Variants in FTO observed in about 807,000 individuals in gnomAD.
The protein encoded by FTO is FTO alpha-ketoglutarate dependent dioxygenase, also known as alpha-ketoglutarate-dependent dioxygenase FTO.
In FTO, 47 loss-of-function variants were observed where a neutral mutation model predicts 63.9. The observed-to-expected ratio is 0.74, with a 90% CI of 0.58 to 0.94. The LOEUF (loss-of-function observed/expected upper bound fraction) is 0.94, where lower values mean the gene tolerates loss of function less well. Among genes scored for constraint, FTO ranks in the 40% least tolerant of loss-of-function variants. The probability of loss-of-function intolerance (pLI) is 0.00; values close to 1 mark genes in which losing one functional copy is unlikely to be tolerated. For synonymous variants in FTO, 207 were observed against 224.4 expected (o/e 0.92, Z 0.69); for missense variants, 562 against 618.1 (o/e 0.91, Z 0.96).
chr16:53,773,763 A>G (rs1224975336), intron 1 of FTO, among the ~76,000 whole-genome samples: 1 of 152,168 alleles, frequency 6.6e-6, no homozygotes, highest in Non-Finnish European at 1.5e-5. Flanking sequence ...ACGTAAACAT[A>G]TTTGAGCTTT....
intron 1 of FTO, among the ~76,000 whole-genome samples, chr16:53,710,393 G>A (rs1381060042): frequency 6.6e-6 from 1 of 151,496 alleles, no homozygotes; most frequent in African/African-American, 2.4e-5. Flanking sequence ...AGCCTCCTGA[G>A]TAGCTCAGAC....
intron 4 of FTO, among the ~76,000 whole-genome samples, chr16:53,870,712 G>A (rs138857961): frequency 6.6e-6 from 1 of 151,948 alleles, no homozygotes; most frequent in Non-Finnish European, 1.5e-5. Context: ...AGAATACATT[G>A]TTATTATTTT....
intron 8 of FTO, among the ~76,000 whole-genome samples, chr16:54,029,686 C>T (rs2084787309): frequency 6.6e-6 from 1 of 152,114 alleles, no homozygotes; most frequent in African/African-American, 2.4e-5. Flanking sequence ...GACTTCTAAT[C>T]CTGATTTTTT....
chr16:53,884,352 G>A (rs1006617505), intron 6 of FTO, among the ~76,000 whole-genome samples: 17 of 152,110 alleles, frequency 1.1e-4, no homozygotes, highest in African/African-American at 4.1e-4. Context: ...ATGTTTGATG[G>A]TATTGTTTGG....
At chr16:53,758,167 G>A (rs2076966163) in intron 1 of FTO, among the ~76,000 whole-genome samples, 1 of 152,208 alleles carries the variant, frequency 6.6e-6, no homozygotes, top group Admixed American at 6.5e-5. Flanking sequence ...GACTGGTGGT[G>A]CTAGTGGTGA....
chr16:53,733,294 C>T (rs755325531), intron 1 of FTO, among the ~76,000 whole-genome samples: 2 of 152,010 alleles, frequency 1.3e-5, no homozygotes, highest in Non-Finnish European at 2.9e-5. Flanking sequence ...CTCAGCTACT[C>T]GGGAGGTTGA....
At chr16:53,838,639 T>C (rs2079376494) in intron 3 of FTO, among the ~76,000 whole-genome samples, 1 of 152,034 alleles carries the variant, frequency 6.6e-6, no homozygotes, top group Admixed American at 6.5e-5. Flanking sequence ...AGCTCTTGGC[T>C]AAGGAAATAG....
At position 53,704,192 on chromosome 16, in the gene FTO, G is replaced by T. The variant is rs1161946063; in HGVS notation, c.8G>T (p.Arg3Leu). The change falls in exon 1 of 9, where the codon CGC becomes CTC. Residue 3 changes from arginine to leucine, a missense_variant. By Grantham distance (102) the Arg-to-Leu change is moderately radical. Transcript: ENST00000471389. MK[R>L]TPTAEERERE... is the part of the protein sequence containing the mutation. ...GGCGGCTTTAGTGGCAGCATGAAGCGCACCCCGACTGCCGAGGAACGAGAG... is the reference window on the plus strand; with the variant it reads ...GGCGGCTTTAGTGGCAGCATGAAGCTCACCCCGACTGCCGAGGAACGAGAG... The T allele has an allele frequency of 1.3e-6, 2 of 1,551,364 alleles. No individual in the cohort carries two copies. The highest frequency in any genetic ancestry group is 1.7e-6 in the Non-Finnish European group (2 of 1,146,862).
At position 54,067,323 on chromosome 16, in the gene FTO, A is replaced by C. The variant is rs577617268; in HGVS notation, c.1365-44439A>C. 8.5e-5 allele frequency among the ~76,000 whole-genome samples: 13 copies of C among 152,360 alleles called. 1 individual carries two copies. The highest frequency in any genetic ancestry group is 3.1e-4 in the African/African-American group (13 of 41,596). ...ATGCCACATCTGTGCAGAAGATAGC[A>C]GCTCACTTATTTATGGCTCAGAGAA... is the stretch of plus-strand genomic sequence containing the variant. On this transcript the variant is annotated intron_variant, in intron 8 of 8. Transcript: ENST00000471389.
chr16:53,796,545 C>A (rs1421992140), intron 1 of FTO, among the ~76,000 whole-genome samples: 1 of 152,120 alleles, frequency 6.6e-6, no homozygotes, highest in Non-Finnish European at 1.5e-5. Flanking sequence ...CAAAAAGGGA[C>A]ATACTACATG....
chr16:53,822,279 T>G (rs1222811170), intron 2 of FTO, among the ~76,000 whole-genome samples: 1 of 152,224 alleles, frequency 6.6e-6, no homozygotes, highest in Non-Finnish European at 1.5e-5. Context: ...CCTACTATTA[T>G]TACATTTATC....
chr16:54,084,381 G>A (rs1179825652), intron 8 of FTO, among the ~76,000 whole-genome samples: 1 of 152,136 alleles, frequency 6.6e-6, no homozygotes, highest in Admixed American at 6.6e-5. Flanking sequence ...TGATATTTGG[G>A]GGCTGGCCTA....
At chr16:53,932,907 C>T (rs951268609) in intron 7 of FTO, among the ~76,000 whole-genome samples, 1 of 152,134 alleles carries the variant, frequency 6.6e-6, no homozygotes, top group African/African-American at 2.4e-5. Flanking sequence ...GGAAAAGAAT[C>T]AATTTGGTCT....
At chr16:54,053,684 G>C (rs549753324) in intron 8 of FTO, among the ~76,000 whole-genome samples, 2 of 152,170 alleles carry the variant, frequency 1.3e-5, no homozygotes, top group African/African-American at 4.8e-5. Flanking sequence ...GAAGTTACAC[G>C]TGTAACTGAG....
chr16:53,807,856 A>G (rs762778158), intron 1 of FTO, among the ~76,000 whole-genome samples: 7 of 152,238 alleles, frequency 4.6e-5, no homozygotes, highest in Non-Finnish European at 8.8e-5. Flanking sequence ...GAAATGTACA[A>G]GTATGGCATG....
intron 6 of FTO, among the ~76,000 whole-genome samples, chr16:53,883,780 T>C (rs566396238): frequency 1.2e-4 from 19 of 152,226 alleles, no homozygotes; most frequent in Admixed American, 9.8e-4. Flanking sequence ...TGAATTTAAA[T>C]AGCGTGTGTG....
At chr16:54,100,415 C>T (rs1380882209) in intron 8 of FTO, among the ~76,000 whole-genome samples, 1 of 152,138 alleles carries the variant, frequency 6.6e-6, no homozygotes, top group African/African-American at 2.4e-5. Flanking sequence ...TGCAGTGGCA[C>T]AATCACGGCT....
chr16:53,754,696 A>T (rs1433708845), intron 1 of FTO, among the ~76,000 whole-genome samples: 1 of 152,258 alleles, frequency 6.6e-6, no homozygotes, highest in African/African-American at 2.4e-5. Context: ...GAGTTAGGAA[A>T]GGCATGATAC....
At chr16:54,096,310 T>C (rs574280733) in intron 8 of FTO, among the ~76,000 whole-genome samples, 2 of 152,326 alleles carry the variant, frequency 1.3e-5, no homozygotes, top group South Asian at 4.1e-4. Context: ...AATGCAGACT[T>C]GCTTTGGATT....
Sources: allele counts gnomAD v4.1 joint callset (sites outside exome capture counted in the v4.1 genomes callset), GRCh38; gene constraint gnomAD v4.1.1; transcripts MANE v1.5; gene names NCBI Gene and HGNC (gene_info 2026-07-23, HGNC 2026-07-21).